Variants in PPP1R9A observed in about 807,000 individuals in gnomAD.
PPP1R9A encodes the protein neurabin-1.
A neutral mutation model predicts 141.9 loss-of-function variants in PPP1R9A; 59 were observed. The ratio of observed to expected loss-of-function variants is 0.42; its 90% CI spans 0.34 to 0.52. PPP1R9A has a LOEUF of 0.52. Among genes scored for constraint, PPP1R9A ranks in the 20% least tolerant of loss-of-function variants. PPP1R9A has a pLI of 0.10. For synonymous variants in PPP1R9A, 500 were observed against 569.7 expected (o/e 0.88, Z 1.74); for missense variants, 1,444 against 1,611.9 (o/e 0.90, Z 1.78).
At chr7:94,924,623 A>G (rs1288705487) in intron 2 of PPP1R9A, among the ~76,000 whole-genome samples, 1 of 152,020 alleles carries the variant, frequency 6.6e-6, no homozygotes, top group African/African-American at 2.4e-5. Flanking sequence ...CCGTCTCCCG[A>G]GTTCAAGCGA....
intron 9 of PPP1R9A, among the ~76,000 whole-genome samples, chr7:95,248,640 T>C (rs962493394): frequency 6.6e-6 from 1 of 152,196 alleles, no homozygotes; most frequent in Non-Finnish European, 1.5e-5. Flanking sequence ...AAAGATCTCT[T>C]TTTCCCTGTG....
chr7:95,247,521 AC>A lies in PPP1R9A; in HGVS notation c.2163del (p.Lys722SerfsTer10). ...VTEAEIQKLK[T>X]KLQAAENEKV... ...AGAAGCAGAGATTCAAAAATTGAAG[AC>A]CAAGGTAAGCACCGAAACATGGTGT... On this transcript the variant is annotated frameshift_variant, in exon 9 of 20. Transcript: ENST00000433360. LOFTEE classifies it high-confidence loss of function. 6.2e-7 allele frequency: 1 copy of A among 1,607,704 alleles called. No individual in the cohort carries two copies. The highest frequency in any genetic ancestry group is 8.5e-7 in the Non-Finnish European group (1 of 1,175,692).
chr7:95,290,023 G>C, intron 19 of PPP1R9A, 68 bp from the exon 20 acceptor site: 1 of 1,578,226 alleles, frequency 6.3e-7, no homozygotes. Flanking sequence ...TTGGATATAT[G>C]GTATGTTAAC....
intron 5 of PPP1R9A, among the ~76,000 whole-genome samples, chr7:95,192,437 C>T (rs1241313860): frequency 6.6e-6 from 1 of 151,862 alleles, no homozygotes; most frequent in East Asian, 1.9e-4. Context: ...TCTTTGCTTA[C>T]TAGTGAAAAG....
At chr7:95,106,720 A>T (rs1819566682) in intron 2 of PPP1R9A, among the ~76,000 whole-genome samples, 1 of 152,216 alleles carries the variant, frequency 6.6e-6, no homozygotes, top group South Asian at 2.1e-4. Context: ...CATTTAAAAT[A>T]TTGATAACTA....
chr7:95,183,726 C>T (rs1834221199), intron 5 of PPP1R9A, among the ~76,000 whole-genome samples: 2 of 151,906 alleles, frequency 1.3e-5, no homozygotes, highest in South Asian at 2.1e-4. Context: ...AGATTACAGG[C>T]GTGAGCCACA....
At chr7:95,143,653 G>A (rs207468297) in intron 4 of PPP1R9A, among the ~76,000 whole-genome samples, 1 of 152,136 alleles carries the variant, frequency 6.6e-6, no homozygotes, top group African/African-American at 2.4e-5. Context: ...GAAACCCCTG[G>A]CAGAGGCCCA....
Position 94,910,168 on chromosome 7 carries a change from C to A in PPP1R9A, c.55C>A (p.His19Asn). 6.2e-7 allele frequency: 1 copy of A among 1,614,028 alleles called. No homozygotes were observed. The highest frequency in any genetic ancestry group is 1.1e-5 in the South Asian group (1 of 91,062). ...ERTTLRSASP[H>N]RNAYRTEFQA... ...AACCACTCTCAGAAGTGCCTCTCCT[C>A]ACAGGAATGCATATCGAACTGAGTT... Residue 19 changes from histidine to asparagine, a missense_variant, in exon 2 of 20, where the codon CAC becomes AAC. Transcript: ENST00000433360. This position sits in a 1 kb window ranked among gnomAD's most constrained non-coding sequence, Gnocchi z 4.5.
intron 5 of PPP1R9A, among the ~76,000 whole-genome samples, chr7:95,164,741 CTTT>C (rs200177321): frequency 1.9e-3 from 128 of 66,176 alleles, no homozygotes; most frequent in Admixed American, 4.8e-3. Flanking sequence ...CTTTTCTTTT[CTTT>C]TTTTTTTTTT....
At chr7:95,055,064 A>G (rs1430905064) in intron 2 of PPP1R9A, among the ~76,000 whole-genome samples, 1 of 152,236 alleles carries the variant, frequency 6.6e-6, no homozygotes, top group Non-Finnish European at 1.5e-5. Flanking sequence ...TATTGGATTA[A>G]GCATTCACTG....
At chr7:94,998,022 G>A (rs1298309603) in intron 2 of PPP1R9A, among the ~76,000 whole-genome samples, 1 of 152,112 alleles carries the variant, frequency 6.6e-6, no homozygotes, top group African/African-American at 2.4e-5. Context: ...CAGTAAGAAG[G>A]TATGGACAAT....
At chr7:95,015,545 G>A (rs886227482) in intron 2 of PPP1R9A, among the ~76,000 whole-genome samples, 4 of 152,080 alleles carry the variant, frequency 2.6e-5, no homozygotes, top group African/African-American at 9.7e-5. Context: ...CTGAAAAGTA[G>A]AGATAAAAGA....
intron 6 of PPP1R9A, among the ~76,000 whole-genome samples, chr7:95,198,903 C>T (rs1788910385): frequency 6.6e-6 from 1 of 152,136 alleles, no homozygotes; most frequent in Non-Finnish European, 1.5e-5. Context: ...CACCCATACA[C>T]AAACAAATAT....
chr7:94,955,721 G>A (rs1363119734), intron 2 of PPP1R9A, among the ~76,000 whole-genome samples: 1 of 152,090 alleles, frequency 6.6e-6, no homozygotes, highest in African/African-American at 2.4e-5. Flanking sequence ...TTGCATATTT[G>A]TAGTTGTCAC....
At chr7:95,056,090 A>C (rs1283828740) in intron 2 of PPP1R9A, among the ~76,000 whole-genome samples, 1 of 152,130 alleles carries the variant, frequency 6.6e-6, no homozygotes, top group African/African-American at 2.4e-5. Flanking sequence ...CTTTACTTGC[A>C]TATACTATTA....
intron 8 of PPP1R9A, among the ~76,000 whole-genome samples, chr7:95,234,788 G>A (rs926175731): frequency 2.0e-5 from 3 of 151,796 alleles, no homozygotes; most frequent in Non-Finnish European, 4.4e-5. Context: ...ATCAGTCACC[G>A]ATATAGCATG....
At chr7:95,046,855 C>A (rs146240358) in intron 2 of PPP1R9A, among the ~76,000 whole-genome samples, 285 of 152,312 alleles carry the variant, frequency 1.9e-3, no homozygotes, top group African/African-American at 6.3e-3. Context: ...ACCCTGCATT[C>A]CAAAATTATT....
intron 2 of PPP1R9A, among the ~76,000 whole-genome samples, chr7:95,013,788 G>T (rs986683794): frequency 2.0e-5 from 3 of 152,048 alleles, no homozygotes; most frequent in African/African-American, 7.2e-5. Context: ...TATTAATATT[G>T]CAGCCCTTCT....
At chr7:95,119,687 C>T (rs550968870) in intron 3 of PPP1R9A, among the ~76,000 whole-genome samples, 1 of 152,034 alleles carries the variant, frequency 6.6e-6, no homozygotes, top group Non-Finnish European at 1.5e-5. Flanking sequence ...CTCCTGGGCT[C>T]AAGGGATTCT....
Sources: allele counts gnomAD v4.1 joint callset (sites outside exome capture counted in the v4.1 genomes callset), GRCh38; gene constraint gnomAD v4.1.1; non-coding constraint Gnocchi (gnomAD v3.1); transcripts MANE v1.5; gene names NCBI Gene and HGNC (gene_info 2026-07-23, HGNC 2026-07-21).